CAPN10: variants seen among roughly 807,000 people sequenced by gnomAD.
CAPN10 encodes the protein calpain-10.
A neutral mutation model predicts 78.4 loss-of-function variants in CAPN10; 71 were observed. The observed-to-expected ratio is 0.91, with a 90% CI of 0.75 to 1.10. The LOEUF (loss-of-function observed/expected upper bound fraction) is 1.10, where lower values mean the gene tolerates loss of function less well. Among genes scored for constraint, CAPN10 ranks in the 50% least tolerant of loss-of-function variants. CAPN10 has a pLI of 0.00. For missense variants in CAPN10, 849 were observed against 924.6 expected (o/e 0.92, Z 1.06); for synonymous variants, 437 against 407.2 (o/e 1.07, Z -0.88).
In CAPN10 at chr2:240,598,048, AG is replaced by A; in HGVS notation, c.1909del (p.Ala637ProfsTer4). On this transcript the variant is annotated frameshift_variant, in exon 10 of 12. Transcript: ENST00000391984. LOFTEE classifies it high-confidence loss of function. ...CCCTCCACCTACCTGCCGGACACAG[AG>A]GGGGCCTTCACAGTGACCATCGCAA... is the stretch of plus-strand genomic sequence containing the variant. Reference protein sequence around the residue: ...VVPSTYLPDTEGAFTVTIATR... With the variant: ...VVPSTYLPDTXGAFTVTIATR... The A allele has an allele frequency of 4.3e-6, 7 of 1,612,566 alleles. No homozygotes were observed. The highest frequency in any genetic ancestry group is 5.9e-6 in the Non-Finnish European group (7 of 1,179,472).
rs2093070848 is a variant in CAPN10, at chr2:240,586,838, C to T, written c.-74C>T. On this transcript the variant is annotated 5_prime_UTR_variant, in exon 1 of 12. Coordinates refer to ENST00000391984, the MANE Select transcript of CAPN10 (RefSeq NM_023083.4). ...GGGCGGGGCGGGCCGGAGGCGGCGG[C>T]GGCTGACTCGCCTTCTCTCCGGGGC... 1.6e-6 allele frequency: 2 copies of T among 1,275,872 alleles called. No homozygotes were observed. Among genetic ancestry groups the T allele is most frequent in the Non-Finnish European group, 2.0e-6 (2 of 1,006,808 alleles). 79.0% of individuals were successfully genotyped at this position (1,275,872 alleles called of 1,614,324 possible). A position where few individuals can be genotyped will look rare whatever the true frequency, so the allele number is the denominator to read the frequency against.
intron 6 of CAPN10, 140 bp from the exon 7 acceptor site, chr2:240,594,884 A>T: frequency 6.5e-6 from 7 of 1,069,700 alleles, no homozygotes; most frequent in Non-Finnish European, 9.5e-6. Context: ...AGCTGGGAGG[A>T]GGGTGGGCTT....
At chr2:240,596,087 A>G (rs1432359961) in intron 7 of CAPN10, 3 of 1,536,284 alleles carry the variant, frequency 2.0e-6, no homozygotes, top group Non-Finnish European at 1.8e-6. Context: ...CCCAGCTACA[A>G]GGAGGACTTG....
chr2:240,597,190 G>T (rs955636203), intron 9 of CAPN10, among the ~76,000 whole-genome samples: 1 of 152,252 alleles, frequency 6.6e-6, no homozygotes, highest in South Asian at 2.1e-4. Context: ...GGCAGGGCAG[G>T]TTTCCAGAGG....
intron 2 of CAPN10, 109 bp downstream of exon 2, chr2:240,589,583 A>T (rs2093088776): frequency 7.3e-7 from 1 of 1,368,894 alleles, no homozygotes; most frequent in Non-Finnish European, 9.9e-7. Context: ...CCGCAGCCGG[A>T]TCTCCTGCTG....
At position 240,595,042 on chromosome 2, in the gene CAPN10, C is replaced by T. The variant is rs748401959; in HGVS notation, c.1016C>T (p.Thr339Met). ...SLYTERLLCH[T>M]RALPGAWVKG... Reference sequence around the variant, plus strand: ...TCACTAGAGAGGCTGCTCTGCCATACGCGGGCGCTGCCTGGGGCCTGGGTC... The same window carrying T: ...TCACTAGAGAGGCTGCTCTGCCATATGCGGGCGCTGCCTGGGGCCTGGGTC... The change falls in exon 7 of 12, where the codon ACG (threonine) becomes ATG (methionine). Residue 339 changes from threonine (T) to methionine (M), a missense_variant. Coordinates refer to ENST00000391984, the MANE Select transcript of CAPN10 (RefSeq NM_023083.4). The T allele has an allele frequency of 3.3e-5, 53 of 1,613,022 alleles. No homozygotes were observed. The highest frequency in any genetic ancestry group is 1.4e-4 in the South Asian group (13 of 91,068).
At chr2:240,593,857 G>T in intron 4 of CAPN10, 49 bp from the exon 5 acceptor site, 1 of 1,537,634 alleles carries the variant, frequency 6.5e-7, no homozygotes, top group South Asian at 1.2e-5. Flanking sequence ...TGTCAGTTTG[G>T]GACTCCATGG....
intron 9 of CAPN10, 77 bp downstream of exon 9, chr2:240,597,019 C>A: frequency 6.4e-7 from 1 of 1,561,496 alleles, no homozygotes; most frequent in Non-Finnish European, 8.8e-7. Flanking sequence ...TCCATTGTCC[C>A]AACAGAGGGC....
At chr2:240,595,422 A>C in intron 7 of CAPN10, 118 bp downstream of exon 7, 1 of 1,118,930 alleles carries the variant, frequency 8.9e-7, no homozygotes, top group Middle Eastern at 2.0e-4. Flanking sequence ...GGGCCCCACC[A>C]GTCTCCCCCC....
chr2:240,587,019 GTT>G lies in CAPN10; in HGVS notation c.109_110del (p.Phe37ProfsTer22). ...GCGACTTGTCTACGCCGCTGGCCCAGTTCCGCGAGGACATCACGTGGAGGCGG... is the reference window on the plus strand; with the variant it reads ...GCGACTTGTCTACGCCGCTGGCCCAGCCGCGAGGACATCACGTGGAGGCGG... The part of the protein sequence containing the change: ...FCDLSTPLAQ[F>X]REDITWRRPQ... On this transcript the variant is annotated frameshift_variant, in exon 1 of 12. Coordinates refer to ENST00000391984, the MANE Select transcript of CAPN10 (RefSeq NM_023083.4). LOFTEE classifies it high-confidence loss of function. 6.8e-7 allele frequency: 1 copy of G among 1,463,432 alleles called. No individual in the cohort carries two copies. The highest frequency in any genetic ancestry group is 9.1e-7 in the Non-Finnish European group (1 of 1,103,924). 90.7% of individuals were successfully genotyped at this position (1,463,432 alleles called of 1,614,324 possible).
intron 8 of CAPN10, 47 bp downstream of exon 8, chr2:240,596,568 C>T: frequency 1.3e-6 from 2 of 1,553,070 alleles, no homozygotes; most frequent in Non-Finnish European, 1.7e-6. Flanking sequence ...GCCACAGGCC[C>T]TTCCAAGGCA....
intron 3 of CAPN10, chr2:240,591,729 G>A: frequency 1.7e-6 from 1 of 594,792 alleles, no homozygotes; most frequent in African/African-American, 1.9e-5. Context: ...AGGACTGCAG[G>A]GCGCTCACGC....
At chr2:240,598,456 G>A (rs954711595) in intron 11 of CAPN10, 59 bp downstream of exon 11, 3 of 1,586,198 alleles carry the variant, frequency 1.9e-6, no homozygotes, top group East Asian at 2.2e-5. Context: ...GTGGCCTAGG[G>A]TCTACCTGCA....
Position 240,589,418 on chromosome 2 carries a change from T to A in CAPN10, c.217T>A (p.Cys73Ser). The change falls in exon 2 of 12, where the codon TGC (cysteine) becomes AGC (serine). Residue 73 changes from cysteine to serine, a missense_variant. Coordinates refer to ENST00000391984, the MANE Select transcript of CAPN10 (RefSeq NM_023083.4). ...GGTGAAGCAGGGGCTGCTGGGGGAT[T>A]GCTGGTTCCTGTGTGCCTGCGCCGC... Reference protein sequence around the residue: ...GQVKQGLLGDCWFLCACAALQ... With the variant: ...GQVKQGLLGDSWFLCACAALQ... 2.5e-6 allele frequency: 4 copies of A among 1,614,012 alleles called. No homozygotes were observed. Among genetic ancestry groups the A allele is most frequent in the Non-Finnish European group, 3.4e-6 (4 of 1,180,022 alleles).
chr2:240,590,079 G>A (rs1380369577), intron 2 of CAPN10: 1 of 152,474 alleles, frequency 6.6e-6, no homozygotes, highest in Non-Finnish European at 1.5e-5. Flanking sequence ...GCGTGTCACA[G>A]TCACTGGCTT....
At chr2:240,594,882 G>A in intron 6 of CAPN10, 142 bp from the exon 7 acceptor site, 2 of 1,103,444 alleles carry the variant, frequency 1.8e-6, no homozygotes, top group Non-Finnish European at 2.6e-6. Context: ...GGAGCTGGGA[G>A]GAGGGTGGGC....
chr2:240,592,183 G>T, intron 4 of CAPN10, 33 bp downstream of exon 4: 1 of 1,525,564 alleles, frequency 6.6e-7, no homozygotes, highest in Non-Finnish European at 8.9e-7. Context: ...GAGGGCTGCA[G>T]CCAGCGTGCC....
Position 240,597,087 on chromosome 2 carries a change from C to T in CAPN10, c.1743+145C>T, listed in dbSNP as rs79836374. Reference sequence around the variant, plus strand: ...TTCGAGGCGCTGCCTAGAACCCGCACAGGGCCCTCTCCCATCTCCAACCTC... The same window carrying T: ...TTCGAGGCGCTGCCTAGAACCCGCATAGGGCCCTCTCCCATCTCCAACCTC... On this transcript the variant is annotated intron_variant, in intron 9 of 11. Coordinates refer to ENST00000391984, the MANE Select transcript of CAPN10 (RefSeq NM_023083.4). The T allele has an allele frequency of 5.2e-4, 534 of 1,018,852 alleles. 5 individuals are homozygous for T. In the East Asian group the frequency reaches 9.4e-3, roughly 18 times the overall value. 63.1% of individuals were successfully genotyped at this position (1,018,852 alleles called of 1,614,324 possible).
chr2:240,593,132 G>T (rs2093113304), intron 4 of CAPN10, among the ~76,000 whole-genome samples: 2 of 152,214 alleles, frequency 1.3e-5, no homozygotes, highest in African/African-American at 4.8e-5. Flanking sequence ...GGGAGTGAGG[G>T]CGCTGGTCTG....
Sources: allele counts gnomAD v4.1 joint callset (sites outside exome capture counted in the v4.1 genomes callset), GRCh38; gene constraint gnomAD v4.1.1; transcripts MANE v1.5; gene names NCBI Gene and HGNC (gene_info 2026-07-23, HGNC 2026-07-21).